The following INTS1 variants were observed in gnomAD, a reference collection of about 807,000 sequenced individuals.
INTS1 encodes integrator complex subunit 1.
INTS1 carries 137 observed loss-of-function variants against 241.6 expected under a neutral mutation model. That is an observed-to-expected ratio of 0.57 (90% CI 0.49 to 0.65). The LOEUF is 0.65. Among genes scored for constraint, INTS1 ranks in the 30% least tolerant of loss-of-function variants. INTS1 has a pLI of 0.00. For missense variants in INTS1, 3,073 were observed against 3,032.2 expected (o/e 1.01, Z -0.32); for synonymous variants, 1,692 against 1,337.8 (o/e 1.26, Z -5.78).
At chr7:1,476,512 C>G in intron 37 of INTS1, 57 bp from the exon 38 acceptor site, 1 of 1,602,200 alleles carries the variant, frequency 6.2e-7, no homozygotes, top group African/African-American at 1.4e-5. Flanking sequence ...GGATGGGCCA[C>G]CCCCTCTCCC....
In INTS1 at chr7:1,485,378, A is replaced by G; in HGVS notation, c.3068T>C (p.Leu1023Pro). Residue 1023 changes from leucine (L) to proline (P), a missense_variant, in exon 23 of 48, where the codon CTG becomes CCG. By Grantham distance (98) the Leu-to-Pro change is moderately conservative (BLOSUM62 -3). Transcript: ENST00000404767. The stretch of plus-strand genomic sequence containing the variant: ...CCGCAGCAGCCACTGATAGCCCTGC[A>G]GCACATCTGTGTCCCCCACATCCTC... The part of the protein sequence containing the change: ...MEEDVGDTDV[L>P]QGYQWLLRDL... 6.2e-7 allele frequency: 1 copy of G among 1,612,752 alleles called. No homozygotes were observed. Among genetic ancestry groups the G allele is most frequent in the African/African-American group, 1.3e-5 (1 of 75,062 alleles).
rs775365622 is a variant in INTS1, at chr7:1,487,341, G to A, written c.2625C>T (p.Leu875=). 3 of 1,603,996 alleles carry A rather than the reference G, an allele frequency of 1.9e-6. No individual in the cohort carries two copies. The highest frequency in any genetic ancestry group is 1.1e-5 in the South Asian group (1 of 89,240). The change falls in exon 20 of 48, where the codon CTC becomes CTT. Residue 875 remains leucine (L), a synonymous_variant. Coordinates refer to ENST00000404767, the MANE Select transcript of INTS1 (RefSeq NM_001080453.3). ...TCACCTGCCGCTGGATGATGTGGAG[G>A]AGAAAGTCAGGGTTTCGGCTGCGGC... ...LLCRSRNPDF[L]LHIIQRQASS...
rs371164386 is a variant in INTS1, at chr7:1,500,382, G to A, written c.350-16C>T. On this transcript the variant is annotated splice_polypyrimidine_tract_variant and intron_variant, in intron 3 of 47. Coordinates refer to ENST00000404767, the MANE Select transcript of INTS1 (RefSeq NM_001080453.3). ...GTGGGCAGCACTGGCCGGGGCAGGCGGTACGGTCAGAACGGGGCCAGGGCA... is the reference window on the plus strand; with the variant it reads ...GTGGGCAGCACTGGCCGGGGCAGGCAGTACGGTCAGAACGGGGCCAGGGCA... 114 of 1,544,954 alleles carry A rather than the reference G, an allele frequency of 7.4e-5. No homozygotes were observed. In the African/African-American group the frequency reaches 8.5e-4, roughly 12 times the overall value.
rs1179677636 is a variant in INTS1, at chr7:1,496,227, A to G, written c.1640T>C (p.Val547Ala). 1.2e-6 allele frequency: 2 copies of G among 1,613,780 alleles called. No homozygotes were observed. The highest frequency in any genetic ancestry group is 1.7e-6 in the Non-Finnish European group (2 of 1,179,810). The change falls in exon 12 of 48, where the codon GTG (valine) becomes GCG (alanine). Residue 547 changes from valine (V) to alanine (A), a missense_variant. By Grantham distance (64) the Val-to-Ala change is moderately conservative. Transcript: ENST00000404767. ...FVVHITDVLA[V>A]SMMLGITAQV... The stretch of plus-strand genomic sequence containing the variant: ...CGCTGTGATGCCCAGCATCATGGAC[A>G]CGGCCAGGACGTCGGTGATGTGCAC...
In INTS1 at chr7:1,486,687, G is replaced by A; in HGVS notation, c.2914C>T (p.Leu972=). The A allele has an allele frequency of 1.2e-6, 2 of 1,612,572 alleles. No individual in the cohort carries two copies. The highest frequency in any genetic ancestry group is 2.2e-5 in the East Asian group (1 of 44,882). The change falls in exon 22 of 48, where the codon CTG becomes TTG. Residue 972 remains leucine, a synonymous_variant. Transcript: ENST00000404767. ...CCGAGGCGCCGCAAGAAGTAGTCCA[G>A]CACCTCACACGTGGTCTGCTCATCA... is the stretch of plus-strand genomic sequence containing the variant. The part of the protein sequence containing the change: ...KADEQTTCEV[L]DYFLRRLGSS...
chr7:1,476,226 C>T lies in INTS1; in HGVS notation c.5378+3G>A. On this transcript the variant is annotated splice_donor_region_variant and intron_variant, in intron 38 of 47. Transcript: ENST00000404767. ...AGCATCTGGGGCCGGGGGGCCTGAG[C>T]ACCTGTCTCCCCACTGCTGGATGCA... 1 of 1,549,552 alleles carries T rather than the reference C, an allele frequency of 6.5e-7. No individual in the cohort carries two copies. The highest frequency in any genetic ancestry group is 8.7e-7 in the Non-Finnish European group (1 of 1,148,074).
intron 13 of INTS1, among the ~76,000 whole-genome samples, chr7:1,495,096 C>T (rs1033715498): frequency 3.9e-5 from 5 of 128,530 alleles, no homozygotes; most frequent in Non-Finnish European, 7.9e-5. Flanking sequence ...AGCGGCCGAA[C>T]GGGGCTGCCG....
Position 1,502,911 on chromosome 7 carries a change from C to T in INTS1, c.339G>A (p.Val113=). Residue 113 remains valine (V), a synonymous_variant, in exon 3 of 48, where the codon GTG becomes GTA. Coordinates refer to ENST00000404767, the MANE Select transcript of INTS1 (RefSeq NM_001080453.3). ...CCACAGACTCATTACCTTCAATTGG[C>T]ACCACAGATGGCTCTTTAATCGACG... ...ISPSIKEPSV[V]PIEVLPTVLL... is the part of the protein sequence containing the mutation. 6.2e-7 allele frequency: 1 copy of T among 1,613,826 alleles called. No individual in the cohort carries two copies. The highest frequency in any genetic ancestry group is 1.7e-5 in the Admixed American group (1 of 60,012).
intron 42 of INTS1, 78 bp downstream of exon 42, chr7:1,473,488 C>A: frequency 6.6e-7 from 1 of 1,505,996 alleles, no homozygotes. Context: ...ACGACACGGC[C>A]TTCCCAGGAA....
Position 1,476,551 on chromosome 7 carries a change from C to T in INTS1, c.5151+19G>A. On this transcript the variant is annotated intron_variant, in intron 37 of 47. Coordinates refer to ENST00000404767, the MANE Select transcript of INTS1 (RefSeq NM_001080453.3). ...TGGGCCACCCCCTCTCCCGGATGGG[C>T]CACCCTCCCAAGACCTGCCTGCGGG... The T allele has an allele frequency of 6.2e-7, 1 of 1,612,062 alleles. No homozygotes were observed. The highest frequency in any genetic ancestry group is 1.1e-5 in the South Asian group (1 of 91,068).
chr7:1,487,173 C>A, intron 20 of INTS1, 72 bp from the exon 21 acceptor site: 1 of 1,519,704 alleles, frequency 6.6e-7, no homozygotes. Flanking sequence ...CCCGGGTGAC[C>A]GCGGAGCCGG....
In INTS1 at chr7:1,476,885, G is replaced by A. The variant is rs1470978997; in HGVS notation, c.4972C>T (p.Pro1658Ser). 1.2e-6 allele frequency: 2 copies of A among 1,612,476 alleles called. No individual in the cohort carries two copies. Among genetic ancestry groups the A allele is most frequent in the South Asian group, 1.1e-5 (1 of 90,994 alleles). ...KGQAQVPSFRPYLLTLFTHQS... is the reference protein window; with the variant it reads ...KGQAQVPSFRSYLLTLFTHQS... Reference sequence around the variant, plus strand: ...TGCGTGAAGAGGGTCAGGAGGTAGGGACGGAACGAGGGCACCTGGGCCTGA... The same window carrying A: ...TGCGTGAAGAGGGTCAGGAGGTAGGAACGGAACGAGGGCACCTGGGCCTGA... Residue 1658 changes from proline (P) to serine (S), a missense_variant, in exon 36 of 48, where the codon CCC becomes TCC. By Grantham distance (74) the Pro-to-Ser change is moderately conservative. Coordinates refer to ENST00000404767, the MANE Select transcript of INTS1 (RefSeq NM_001080453.3).
chr7:1,498,098 A>G (rs1351808951), intron 10 of INTS1, among the ~76,000 whole-genome samples: 2 of 152,238 alleles, frequency 1.3e-5, no homozygotes, highest in Non-Finnish European at 2.9e-5. Flanking sequence ...AATGAGCTTG[A>G]AAAATAAAAA....
At chr7:1,478,664 C>G in intron 32 of INTS1, 62 bp downstream of exon 32, 11 of 1,495,650 alleles carry the variant, frequency 7.4e-6, no homozygotes, top group Non-Finnish European at 9.8e-6. Flanking sequence ...GCAGCTTGGC[C>G]ACTCTGAGTG....
At position 1,473,103 on chromosome 7, in the gene INTS1, C is replaced by T; in HGVS notation, c.6039G>A (p.Arg2013=). ...AGLSLPSRDD[R]TDRGLDEEGE... is the part of the protein sequence containing the mutation. ...CCTCTTCGTCCAGGCCTCGGTCGGT[C>T]CTGTCGTCCCTGCTGGGCAGGCTGA... Residue 2013 remains arginine (R), a synonymous_variant, in exon 43 of 48, where the codon AGG becomes AGA. Coordinates refer to ENST00000404767, the MANE Select transcript of INTS1 (RefSeq NM_001080453.3). The T allele has an allele frequency of 2.5e-6, 4 of 1,611,568 alleles. No homozygotes were observed. The highest frequency in any genetic ancestry group is 3.4e-6 in the Non-Finnish European group (4 of 1,179,084).
In INTS1 at chr7:1,477,555, T is replaced by G. The variant is rs1052368842; in HGVS notation, c.4933A>C (p.Arg1645=). 6 of 1,519,114 alleles carry G rather than the reference T, an allele frequency of 3.9e-6. No individual in the cohort carries two copies. The African/African-American group carries it at 8.3e-5, about 21-fold the overall frequency. 94.1% of individuals were successfully genotyped at this position (1,519,114 alleles called of 1,614,324 possible). ...TGAAGCTGGGTGCCACCCACCTTCC[T>G]CCGGGAGAAGAGCAGCCTGAGCTGC... The part of the protein sequence containing the change: ...DLQLRLLFSR[R]KGKGQAQVPS... Residue 1645 remains arginine, a synonymous_variant, in exon 35 of 48, where the codon AGG becomes CGG. Transcript: ENST00000404767.
chr7:1,486,832 G>C (rs1782290454), intron 21 of INTS1, 58 bp from the exon 22 acceptor site: 2 of 1,600,338 alleles, frequency 1.2e-6, no homozygotes, highest in East Asian at 4.5e-5. Flanking sequence ...GGTAGGACGT[G>C]GGGTGCGCGG....
intron 1 of INTS1, 45 bp downstream of exon 1, chr7:1,504,278 C>A: frequency 1.8e-6 from 1 of 570,346 alleles, no homozygotes; most frequent in Non-Finnish European, 3.2e-6. Context: ...GAGAACCAGG[C>A]GCTCGCCCGG....
chr7:1,491,996 G>A (rs1003672958), intron 16 of INTS1, among the ~76,000 whole-genome samples: 17 of 152,326 alleles, frequency 1.1e-4, no homozygotes, highest in East Asian at 1.9e-4. Context: ...CCATGAGTGC[G>A]GGTGAGGATG....
Sources: gnomAD v4.1 joint callset for allele counts (sites outside exome capture counted in the v4.1 genomes callset) on GRCh38, gnomAD v4.1.1 for gene constraint, MANE v1.5 for transcripts, NCBI Gene and HGNC (gene_info 2026-07-23, HGNC 2026-07-21) for gene names.